Variants in DAW1 observed in about 807,000 individuals in gnomAD.
DAW1 encodes the protein dynein assembly factor with WD repeats 1.
Under a neutral mutation model 56.5 loss-of-function variants are expected in DAW1, and 47 were observed. The observed-to-expected ratio is 0.83, with a 90% CI of 0.66 to 1.06. DAW1 has a LOEUF of 1.06. DAW1 is among the 50% of genes least tolerant of loss of function. The probability of loss-of-function intolerance (pLI) is 0.00; values close to 1 mark genes in which losing one functional copy is unlikely to be tolerated. For synonymous variants in DAW1, 190 were observed against 179.0 expected (o/e 1.06, Z -0.49); for missense variants, 505 against 499.3 (o/e 1.01, Z -0.11).
chr2:227,871,999 A>G (rs191167918), intron 1 of DAW1: 3 of 535,202 alleles, frequency 5.6e-6, no homozygotes, highest in Non-Finnish European at 1.0e-5. Flanking sequence ...TACTGCGTAC[A>G]CGCTTTGTGC....
chr2:227,874,925 T>G, intron 1 of DAW1, among the ~76,000 whole-genome samples: 1 of 152,028 alleles, frequency 6.6e-6, no homozygotes, highest in Non-Finnish European at 1.5e-5. Context: ...ATCACACCAA[T>G]GCACTCCAGC....
intron 6 of DAW1, among the ~76,000 whole-genome samples, chr2:227,900,427 TGAGA>T (rs1366113748): frequency 2.0e-5 from 3 of 152,192 alleles, no homozygotes; most frequent in Admixed American, 6.5e-5. Context: ...TTAGGGTATC[TGAGA>T]GAATCAGACA....
intron 1 of DAW1, among the ~76,000 whole-genome samples, chr2:227,883,481 T>G (rs901298501): frequency 1.3e-5 from 2 of 152,104 alleles, no homozygotes; most frequent in Non-Finnish European, 2.9e-5. Flanking sequence ...ACCAATGAGG[T>G]TTAATGCAAG....
In DAW1 at chr2:227,898,140, T is replaced by C. The variant is rs1451842218; in HGVS notation, c.441-42T>C. On this transcript the variant is annotated intron_variant, in intron 5 of 12. Coordinates refer to ENST00000309931, the MANE Select transcript of DAW1 (RefSeq NM_178821.3). ...CATCTTAGTTCAGTTTATTATATAA[T>C]GTGTCTTTTTTTAAATAATCTACAT... The C allele has an allele frequency of 4.4e-6, 6 of 1,367,220 alleles. No homozygotes were observed. The Admixed American group carries it at 7.7e-5, about 18-fold the overall frequency. The allele number at this position is 1,367,220 out of a possible 1,614,324, so 84.7% of individuals were successfully genotyped here.
At position 227,905,006 on chromosome 2, in the gene DAW1, C is replaced by G. The variant is rs751459566; in HGVS notation, c.726C>G (p.Thr242=). 6.2e-7 allele frequency: 1 copy of G among 1,613,368 alleles called. No homozygotes were observed. The highest frequency in any genetic ancestry group is 8.5e-7 in the Non-Finnish European group (1 of 1,179,594). ...TCATCACGGGGTCTTTTGATCATACCGTTGTAGTGTGGGACGCTGATACTG... is the reference window on the plus strand; with the variant it reads ...TCATCACGGGGTCTTTTGATCATACGGTTGTAGTGTGGGACGCTGATACTG... The part of the protein sequence containing the change: ...DRIITGSFDH[T]VVVWDADTGR... The change falls in exon 8 of 13, where the codon ACC becomes ACG. Residue 242 remains threonine (T), a synonymous_variant. Transcript: ENST00000309931.
At chr2:227,904,804 C>T in intron 7 of DAW1, 125 bp from the exon 8 acceptor site, 1 of 806,524 alleles carries the variant, frequency 1.2e-6, no homozygotes. Flanking sequence ...TCACCCCAGC[C>T]AACCGCTGAC....
intron 1 of DAW1, among the ~76,000 whole-genome samples, chr2:227,874,780 G>A (rs1431805645): frequency 6.6e-6 from 1 of 152,044 alleles, no homozygotes; most frequent in Non-Finnish European, 1.5e-5. Flanking sequence ...GCCCAACATG[G>A]TGAAACCCCG....
At chr2:227,893,620 C>T (rs866942049) in intron 4 of DAW1, among the ~76,000 whole-genome samples, 175 bp from the exon 5 acceptor site, 13 of 150,796 alleles carry the variant, frequency 8.6e-5, no homozygotes, top group Middle Eastern at 3.6e-3. Flanking sequence ...TGCAGTGCGC[C>T]GAGATCACGC....
intron 10 of DAW1, among the ~76,000 whole-genome samples, chr2:227,914,145 G>T (rs1691896653): frequency 6.6e-6 from 1 of 151,998 alleles, no homozygotes. Flanking sequence ...AACCGTGAGT[G>T]ATGCTGTACT....
In DAW1 at chr2:227,921,539, T is replaced by G; in HGVS notation, c.1191T>G (p.Tyr397Ter). The G allele has an allele frequency of 6.2e-7, 1 of 1,613,944 alleles. No individual in the cohort carries two copies. Among genetic ancestry groups the G allele is most frequent in the Non-Finnish European group, 8.5e-7 (1 of 1,179,948 alleles). ...TDEIFSCAFNYKGNIVITGSK... is the reference protein window; with the variant it reads ...TDEIFSCAFN Reference sequence around the variant, plus strand: ...AAATCTTTTCATGTGCTTTCAACTATAAAGGCAACATAGTCATTACAGGTA... The same window carrying G: ...AAATCTTTTCATGTGCTTTCAACTAGAAAGGCAACATAGTCATTACAGGTA... Residue 397 changes from tyrosine (Y) to a stop codon, truncating the protein, a stop_gained, in exon 12 of 13, where the codon TAT (tyrosine) becomes TAG (stop). Transcript: ENST00000309931. LOFTEE classifies it high-confidence loss of function.
At chr2:227,894,060 A>G in intron 5 of DAW1, 143 bp downstream of exon 5, 1 of 813,680 alleles carries the variant, frequency 1.2e-6, no homozygotes, top group Non-Finnish European at 1.8e-6. Context: ...TACCTCCTTC[A>G]AAGCTTAAAA....
At chr2:227,899,406 A>G (rs1691486204) in intron 6 of DAW1, among the ~76,000 whole-genome samples, 1 of 152,234 alleles carries the variant, frequency 6.6e-6, no homozygotes, top group Non-Finnish European at 1.5e-5. Context: ...GAAGGTACTC[A>G]CTTTACCAAT....
chr2:227,905,909 C>T (rs930597459), intron 8 of DAW1, among the ~76,000 whole-genome samples: 1 of 152,140 alleles, frequency 6.6e-6, no homozygotes, highest in Non-Finnish European at 1.5e-5. Context: ...CGCCCACCAC[C>T]ACGCCTGGCT....
At chr2:227,911,091 A>G (rs188137323) in intron 10 of DAW1, among the ~76,000 whole-genome samples, 1 of 151,738 alleles carries the variant, frequency 6.6e-6, no homozygotes, top group African/African-American at 2.4e-5. Flanking sequence ...TGACAATTGT[A>G]TATGAAGCTA....
At chr2:227,919,688 G>A (rs540424536) in intron 11 of DAW1, among the ~76,000 whole-genome samples, 32 of 152,256 alleles carry the variant, frequency 2.1e-4, no homozygotes, top group African/African-American at 6.7e-4. Context: ...GATCATTCAC[G>A]GAGCAGGCCC....
At chr2:227,891,334 C>A (rs538012535) in intron 4 of DAW1, 21 bp downstream of exon 4, 3 of 1,604,732 alleles carry the variant, frequency 1.9e-6, no homozygotes, top group African/African-American at 2.7e-5. Context: ...CTTTTTATGT[C>A]TAATTTTTAG....
intron 5 of DAW1, among the ~76,000 whole-genome samples, chr2:227,894,629 C>T (rs1026464670): frequency 1.3e-5 from 2 of 152,140 alleles, no homozygotes; most frequent in Non-Finnish European, 2.9e-5. Flanking sequence ...AGTTAATTTA[C>T]AGTCTTGCCA....
chr2:227,909,494 TAC>T (rs1691768726), intron 10 of DAW1, among the ~76,000 whole-genome samples: 1 of 151,348 alleles, frequency 6.6e-6, no homozygotes, highest in African/African-American at 2.4e-5. Flanking sequence ...TATATAAGTA[TAC>T]ACACACACAT....
chr2:227,891,381 T>C (rs1207022052), intron 4 of DAW1, 68 bp downstream of exon 4: 1 of 1,332,652 alleles, frequency 7.5e-7, no homozygotes, highest in African/African-American at 1.4e-5. Flanking sequence ...TATCAAAGAT[T>C]CCAGTTAGAT....
Sources: gnomAD v4.1 joint callset for allele counts (sites outside exome capture counted in the v4.1 genomes callset) on GRCh38, gnomAD v4.1.1 for gene constraint, MANE v1.5 for transcripts, NCBI Gene and HGNC (gene_info 2026-07-23, HGNC 2026-07-21) for gene names.